Variants in ATL3 observed in about 807,000 individuals in gnomAD.
ATL3 encodes the protein atlastin-3.
In ATL3, 49 loss-of-function variants were observed where a neutral mutation model predicts 69.5. That is an observed-to-expected ratio of 0.71 (90% CI 0.56 to 0.89). The LOEUF (loss-of-function observed/expected upper bound fraction) is 0.89. ATL3 is among the 40% of genes least tolerant of loss of function. The pLI, the probability that ATL3 is intolerant of heterozygous loss-of-function variation, is 0.00. For missense variants in ATL3, 606 were observed against 645.7 expected, an observed-to-expected ratio of 0.94 and a Z score of 0.67; for synonymous variants, 214 against 224.1, an observed-to-expected ratio of 0.95 and a Z score of 0.40.
Position 63,644,220 on chromosome 11 carries a change from T to C in ATL3, c.660A>G (p.Glu220=), listed in dbSNP as rs1459034964. Residue 220 remains glutamate, a synonymous_variant, in exon 7 of 13, where the codon GAA becomes GAG. Coordinates refer to ENST00000398868, the MANE Select transcript of ATL3 (RefSeq NM_015459.5). ...FLVRDWSFPY[E]YSYGLQGGMA... is the part of the protein sequence containing the mutation. ...TTCCTCCTTGGAGTCCATAGCTATA[T>C]TCATAAGGGAAACTCCAATCTCTAA... 2.8e-5 allele frequency: 45 copies of C among 1,611,670 alleles called. No homozygotes were observed. Among genetic ancestry groups the C allele is most frequent in the Non-Finnish European group, 3.7e-5 (44 of 1,179,030 alleles).
At chr11:63,661,045 C>T (rs1940403673) in intron 1 of ATL3, among the ~76,000 whole-genome samples, 1 of 150,972 alleles carries the variant, frequency 6.6e-6, no homozygotes, top group South Asian at 2.1e-4. Context: ...AAAGCCCCGT[C>T]TCTATAAAAA....
rs753377511 is a variant in ATL3, at chr11:63,644,271, A to G, written c.619-10T>C. On this transcript the variant is annotated splice_polypyrimidine_tract_variant and intron_variant, in intron 6 of 12. Transcript: ENST00000398868. Reference sequence around the variant, plus strand: ...CCAAAAACATCAGTGTCTATTTAAGAAAAGAGCGGAACATATTTTAACATG... The same window carrying G: ...CCAAAAACATCAGTGTCTATTTAAGGAAAGAGCGGAACATATTTTAACATG... 3.3e-6 allele frequency: 5 copies of G among 1,528,482 alleles called. No individual in the cohort carries two copies. Among genetic ancestry groups the G allele is most frequent in the East Asian group, 2.3e-5 (1 of 44,302 alleles). 94.7% of individuals were successfully genotyped at this position (1,528,482 alleles called of 1,614,324 possible).
intron 3 of ATL3, among the ~76,000 whole-genome samples, chr11:63,657,857 CTTTTTTTTT>C (rs1174775895): frequency 7.3e-6 from 1 of 136,522 alleles, no homozygotes; most frequent in African/African-American, 2.7e-5. Context: ...ATGCCATTGG[CTTTTTTTTT>C]TTTTTTTTGA....
chr11:63,649,352 G>A (rs997106730), intron 5 of ATL3, among the ~76,000 whole-genome samples: 3 of 151,932 alleles, frequency 2.0e-5, no homozygotes, highest in Admixed American at 2.0e-4. Context: ...CACCATGTTT[G>A]CCAGGCTGTT....
chr11:63,671,218 T>C (rs1463389628), intron 1 of ATL3, 72 bp downstream of exon 1: 5 of 1,483,310 alleles, frequency 3.4e-6, no homozygotes, highest in Non-Finnish European at 4.5e-6. Flanking sequence ...GGGCGGGGGT[T>C]CTTTTCAGAA....
intron 8 of ATL3, among the ~76,000 whole-genome samples, chr11:63,638,718 A>C (rs936391788): frequency 3.0e-4 from 46 of 151,544 alleles, no homozygotes; most frequent in African/African-American, 1.1e-3. Context: ...CTCAAAAAAC[A>C]AAACAAAACA....
At chr11:63,640,213 C>T (rs915298519) in intron 8 of ATL3, among the ~76,000 whole-genome samples, 1 of 152,198 alleles carries the variant, frequency 6.6e-6, no homozygotes, top group Admixed American at 6.5e-5. Context: ...GCGTGAGCTA[C>T]CGCACCCGGC....
At chr11:63,669,064 CT>C (rs1365386784) in intron 1 of ATL3, among the ~76,000 whole-genome samples, 1 of 149,520 alleles carries the variant, frequency 6.7e-6, no homozygotes, top group Non-Finnish European at 1.5e-5. Context: ...AACTCCTGAC[CT>C]CAGGTGATCC....
chr11:63,631,580 G>T, intron 11 of ATL3, 109 bp from the exon 12 acceptor site: 1 of 971,514 alleles, frequency 1.0e-6, no homozygotes, highest in Non-Finnish European at 1.5e-6. Flanking sequence ...TGTTAACAAT[G>T]TATTAATAAG....
At position 63,659,264 on chromosome 11, in the gene ATL3, C is replaced by A. The variant is rs1940353150; in HGVS notation, c.47-12G>T. 5 of 1,606,260 alleles carry A rather than the reference C, an allele frequency of 3.1e-6. No individual in the cohort carries two copies. The African/African-American group carries it at 6.7e-5, about 22-fold the overall frequency. ...CTCCATGGCATCATCTATGTTCATG[C>A]AGAGAAAAAAAATCAGTGTCAAATA... is the stretch of plus-strand genomic sequence containing the variant. On this transcript the variant is annotated splice_polypyrimidine_tract_variant and intron_variant, in intron 1 of 12. Transcript: ENST00000398868.
In ATL3 at chr11:63,658,899, T is replaced by G. The variant is rs182466831; in HGVS notation, c.267A>C (p.Glu89Asp). 4.9e-5 allele frequency: 79 copies of G among 1,601,158 alleles called. No homozygotes were observed. Among genetic ancestry groups the G allele is most frequent in the Admixed American group, 8.8e-5 (5 of 56,960 alleles). ...FMLRYLYSQK[E>D]SGHSNWLGDP... Reference sequence around the variant, plus strand: ...CACCCAACCAATTTGAATGGCCACTTTCCTTCTACAGAAGTAAGAAATTTC... The same window carrying G: ...CACCCAACCAATTTGAATGGCCACTGTCCTTCTACAGAAGTAAGAAATTTC... Residue 89 changes from glutamate (E) to aspartate (D), a missense_variant, in exon 3 of 13, where the codon GAA (glutamate) becomes GAC (aspartate). Coordinates refer to ENST00000398868, the MANE Select transcript of ATL3 (RefSeq NM_015459.5).
At chr11:63,632,303 A>C (rs1360526131) in intron 11 of ATL3, 1 of 778,438 alleles carries the variant, frequency 1.3e-6, no homozygotes, top group East Asian at 2.5e-5. Flanking sequence ...TGTGCTTCTG[A>C]ATACGTTGGT....
chr11:63,640,192 T>A (rs1240882527), intron 8 of ATL3, among the ~76,000 whole-genome samples: 1 of 152,244 alleles, frequency 6.6e-6, no homozygotes, highest in Admixed American at 6.5e-5. Flanking sequence ...CCTCCCAAAC[T>A]GGGATTACAA....
At chr11:63,631,914 G>A (rs749600636) in intron 11 of ATL3, among the ~76,000 whole-genome samples, 1 of 152,096 alleles carries the variant, frequency 6.6e-6, no homozygotes, top group South Asian at 2.1e-4. Context: ...CCCGGGAGGC[G>A]GAGGTTGCAG....
rs139382712 is a variant in ATL3, at chr11:63,665,762, C to T, written c.46+5528G>A. 7.9e-3 allele frequency among the ~76,000 whole-genome samples: 1,203 copies of T among 151,566 alleles called. 6 individuals carry two copies. The highest frequency in any genetic ancestry group is 0.012 in the Non-Finnish European group (789 of 67,868). ...AAATTAACCAGGCTTGGTGGTAACG[C>T]GCCTGTAATCCCAGCTACTTGGTAT... On this transcript the variant is annotated intron_variant, in intron 1 of 12. Coordinates refer to ENST00000398868, the MANE Select transcript of ATL3 (RefSeq NM_015459.5).
chr11:63,659,304 T>C (rs187101259), intron 1 of ATL3, 52 bp from the exon 2 acceptor site: 2 of 1,546,132 alleles, frequency 1.3e-6, no homozygotes, highest in Middle Eastern at 1.7e-4. Flanking sequence ...AAATATGTTT[T>C]TGAATATAGG....
Position 63,646,516 on chromosome 11 carries a change from C to G in ATL3, c.609G>C (p.Lys203Asn), listed in dbSNP as rs1939885691. ...GRLAMDEIFQ[K>N]PFQTLMFLVR... Reference sequence around the variant, plus strand: ...AAATAAATATTCTAACCTGGAAAGGCTTTTGGAAAATTTCATCCATTGCCA... The same window carrying G: ...AAATAAATATTCTAACCTGGAAAGGGTTTTGGAAAATTTCATCCATTGCCA... The change falls in exon 6 of 13, where the codon AAG becomes AAC. Residue 203 changes from lysine (K) to asparagine (N), a missense_variant. Physicochemically the swap from Lys to Asn is moderately conservative, Grantham distance 94 (BLOSUM62 0). Coordinates refer to ENST00000398868, the MANE Select transcript of ATL3 (RefSeq NM_015459.5). 2 of 1,590,364 alleles carry G rather than the reference C, an allele frequency of 1.3e-6. No individual in the cohort carries two copies. The highest frequency in any genetic ancestry group is 1.7e-6 in the Non-Finnish European group (2 of 1,162,780).
chr11:63,629,211 G>C lies in ATL3; in HGVS notation c.*108C>G. On this transcript the variant is annotated 3_prime_UTR_variant, in exon 13 of 13. Coordinates refer to ENST00000398868, the MANE Select transcript of ATL3 (RefSeq NM_015459.5). ...CAGGGCCATGTTTTAGCTCTTCCTG[G>C]ATCGTCTCAGATCTGCCATTCCTCT... 2 of 825,906 alleles carry C rather than the reference G, an allele frequency of 2.4e-6. No homozygotes were observed. The highest frequency in any genetic ancestry group is 4.1e-6 in the Non-Finnish European group (2 of 490,590). 51.2% of individuals were successfully genotyped at this position (825,906 alleles called of 1,614,324 possible). A position where few individuals can be genotyped will look rare whatever the true frequency, so the allele number is the denominator to read the frequency against.
rs1298964707 is a variant in ATL3 at position 63,624,551 on chromosome 11, ATTATTT to A, written c.*4762_*4767del. On this transcript the variant is annotated 3_prime_UTR_variant, in exon 13 of 13. Coordinates refer to ENST00000398868, the MANE Select transcript of ATL3 (RefSeq NM_015459.5). ...TAGGATCTTGTCTTCTTTCTTGTTC[ATTATTT>A]TTATTTGTGGCTTAATGTTTCACCT... The A allele has an allele frequency of 6.6e-6, 1 of 152,160 alleles. No individual in the cohort carries two copies. The highest frequency in any genetic ancestry group is 1.5e-5 in the Non-Finnish European group (1 of 68,014). 9.4% of individuals were successfully genotyped at this position (152,160 alleles called of 1,614,324 possible).
Sources: allele counts gnomAD v4.1 joint callset (sites outside exome capture counted in the v4.1 genomes callset), GRCh38; gene constraint gnomAD v4.1.1; transcripts MANE v1.5; gene names NCBI Gene and HGNC (gene_info 2026-07-23, HGNC 2026-07-21).